MTMR2: variants seen among roughly 807,000 people sequenced by gnomAD.
MTMR2 encodes the protein phosphatidylinositol-3,5-bisphosphate 3-phosphatase MTMR2.
In MTMR2, 55 loss-of-function variants were observed where a neutral mutation model predicts 86.9. That is an observed-to-expected ratio of 0.63 (90% CI 0.51 to 0.79). The LOEUF (loss-of-function observed/expected upper bound fraction) is 0.79, where lower values mean the gene tolerates loss of function less well. MTMR2 is among the 30% of genes least tolerant of loss of function. The pLI is 0.00. For missense variants in MTMR2, 659 were observed against 772.3 expected (o/e 0.85, Z 1.74); for synonymous variants, 241 against 266.8 (o/e 0.90, Z 0.94).
rs1030013676 is a variant in MTMR2 at position 95,833,669 on chromosome 11, A to T, written c.*1621T>A. ...CTCTTCAGCCATTCTACATTCTTTT[A>T]TGTGGTATCAGGCCAAGATAACCAA... On this transcript the variant is annotated 3_prime_UTR_variant, in exon 15 of 15. Coordinates refer to ENST00000346299, the MANE Select transcript of MTMR2 (RefSeq NM_016156.6). The T allele has an allele frequency of 6.6e-6, 1 of 152,130 alleles. No homozygotes were observed. Among genetic ancestry groups the T allele is most frequent in the Admixed American group, 6.6e-5 (1 of 15,254 alleles). 9.4% of individuals were successfully genotyped at this position (152,130 alleles called of 1,614,324 possible).
intron 2 of MTMR2, among the ~76,000 whole-genome samples, chr11:95,883,292 A>C (rs577281568): frequency 5.4e-4 from 82 of 152,312 alleles, no homozygotes; most frequent in Non-Finnish European, 8.8e-5. Flanking sequence ...GTGAGCAAAT[A>C]AATAATCAGA....
intron 2 of MTMR2, among the ~76,000 whole-genome samples, chr11:95,867,393 G>A (rs532112804): frequency 6.6e-6 from 1 of 152,138 alleles, no homozygotes; most frequent in African/African-American, 2.4e-5. Context: ...AGAGAAGAGG[G>A]TAGTTCTGGC....
intron 2 of MTMR2, among the ~76,000 whole-genome samples, chr11:95,869,384 G>A (rs1864764633): frequency 6.6e-6 from 1 of 152,116 alleles, no homozygotes; most frequent in South Asian, 2.1e-4. Context: ...ATCAACAGAA[G>A]TTTTCACCGC....
chr11:95,871,391 C>T (rs917275882), intron 2 of MTMR2, among the ~76,000 whole-genome samples: 1 of 152,190 alleles, frequency 6.6e-6, no homozygotes, highest in Admixed American at 6.5e-5. Context: ...CACATCCTCT[C>T]CAGCACCTGT....
At position 95,849,331 on chromosome 11, in the gene MTMR2, A is replaced by C. The variant is rs373844346; in HGVS notation, c.993+343T>G. Among the ~76,000 whole-genome samples the C allele has an allele frequency of 3.9e-5, 6 of 152,192 alleles. No individual in the cohort carries two copies. In the East Asian group the frequency reaches 9.7e-4, roughly 25 times the overall value. ...TATACAGGGACTTCAGTGAGTCATA[A>C]GCTCAGTTAGTTGTCAACTTTGGAG... On this transcript the variant is annotated intron_variant, in intron 9 of 14. Transcript: ENST00000346299.
chr11:95,849,800 A>C lies in MTMR2; in HGVS notation c.867T>G (p.Val289=), dbSNP rs1438001944. Residue 289 remains valine, a synonymous_variant, in exon 9 of 15, where the codon GTT becomes GTG. Transcript: ENST00000346299. ...ATITRCSQPM[V]GVSGKRSKED... ...CTTTGCTTCGCTTTCCACTCACTCC[A>C]ACCATGGGCTGGCTACACCGAGTGA... The C allele has an allele frequency of 6.2e-7, 1 of 1,614,190 alleles. No individual in the cohort carries two copies. The highest frequency in any genetic ancestry group is 1.7e-5 in the Admixed American group (1 of 60,028).
chr11:95,898,194 C>T (rs1490128845), intron 1 of MTMR2, among the ~76,000 whole-genome samples: 1 of 151,206 alleles, frequency 6.6e-6, no homozygotes, highest in Non-Finnish European at 1.5e-5. Flanking sequence ...TGGAATCTAG[C>T]TTCTGCCACT....
intron 1 of MTMR2, among the ~76,000 whole-genome samples, chr11:95,891,677 G>A (rs1865719407): frequency 6.6e-6 from 1 of 152,116 alleles, no homozygotes; most frequent in Non-Finnish European, 1.5e-5. Context: ...GATCCACAGT[G>A]TTATAGTTTA....
chr11:95,850,724 A>G lies in MTMR2; in HGVS notation c.680T>C (p.Ile227Thr). The G allele has an allele frequency of 1.2e-6, 2 of 1,613,920 alleles. No homozygotes were observed. Among genetic ancestry groups the G allele is most frequent in the Non-Finnish European group, 8.5e-7 (1 of 1,179,876 alleles). Residue 227 changes from isoleucine (I) to threonine (T), a missense_variant, in exon 8 of 15, where the codon ATA (isoleucine) becomes ACA (threonine). Physicochemically the swap from Ile to Thr is moderately conservative, Grantham distance 89. Coordinates refer to ENST00000346299, the MANE Select transcript of MTMR2 (RefSeq NM_016156.6). ...TTCATATCGTTCATTTATCTTTGTT[A>G]TTCTCCAGCTTTCATTTGGAATTCC... Reference protein sequence around the residue: ...RQGIPNESWRITKINERYELC... With the variant: ...RQGIPNESWRTTKINERYELC...
chr11:95,847,946 T>G (rs1863864856), intron 9 of MTMR2, 47 bp from the exon 10 acceptor site: 2 of 1,509,878 alleles, frequency 1.3e-6, no homozygotes, highest in African/African-American at 1.4e-5. Flanking sequence ...AATGCACATC[T>G]GTAAACAAGT....
chr11:95,857,219 A>T (rs1343805813), intron 7 of MTMR2, among the ~76,000 whole-genome samples: 1 of 152,172 alleles, frequency 6.6e-6, no homozygotes, highest in African/African-American at 2.4e-5. Context: ...ACTCTAGATA[A>T]CAAATCTAAT....
intron 2 of MTMR2, among the ~76,000 whole-genome samples, chr11:95,868,142 G>A (rs1201158936): frequency 2.0e-5 from 3 of 151,438 alleles, no homozygotes; most frequent in African/African-American, 4.9e-5. Flanking sequence ...ATGGCATCAC[G>A]GGTCTACAGT....
rs546814470 is a variant in MTMR2, at chr11:95,880,769, T to C, written c.186+7387A>G. Among the ~76,000 whole-genome samples the C allele has an allele frequency of 2.0e-5, 3 of 152,208 alleles. No homozygotes were observed. The South Asian group carries it at 6.2e-4, about 32-fold the overall frequency. ...TCTTGTTCATAGACTTTCTCAACTTTCTGTTGGGTTGCATTTTCTCTTATT... is the reference window on the plus strand; with the variant it reads ...TCTTGTTCATAGACTTTCTCAACTTCCTGTTGGGTTGCATTTTCTCTTATT... On this transcript the variant is annotated intron_variant, in intron 2 of 14. Coordinates refer to ENST00000346299, the MANE Select transcript of MTMR2 (RefSeq NM_016156.6).
At chr11:95,908,829 TAAAG>T (rs1235292964) in intron 1 of MTMR2, among the ~76,000 whole-genome samples, 15 of 152,084 alleles carry the variant, frequency 9.9e-5, no homozygotes, top group Non-Finnish European at 2.9e-5. Context: ...GAAGTGGTGA[TAAAG>T]AAAATATTTT....
intron 1 of MTMR2, among the ~76,000 whole-genome samples, chr11:95,895,265 G>A (rs1322236736): frequency 6.6e-6 from 1 of 151,990 alleles, no homozygotes; most frequent in African/African-American, 2.4e-5. Context: ...AGGTCAGATG[G>A]CCAAATATCA....
chr11:95,859,791 G>C (rs1412535166), intron 5 of MTMR2, among the ~76,000 whole-genome samples: 1 of 152,114 alleles, frequency 6.6e-6, no homozygotes, highest in Non-Finnish European at 1.5e-5. Context: ...CACACACAAA[G>C]CCTCTCCACT....
At chr11:95,885,383 C>T (rs1208466457) in intron 2 of MTMR2, among the ~76,000 whole-genome samples, 1 of 151,998 alleles carries the variant, frequency 6.6e-6, no homozygotes, top group African/African-American at 2.4e-5. Flanking sequence ...ACCAGGGCTC[C>T]TATGAAAACT....
intron 3 of MTMR2, among the ~76,000 whole-genome samples, chr11:95,863,444 G>A (rs1380089240): frequency 1.3e-5 from 2 of 152,142 alleles, no homozygotes; most frequent in Admixed American, 6.5e-5. Context: ...AACATTTTAA[G>A]TATAAACTAC....
rs1166610833 is a variant in MTMR2 at position 95,833,109 on chromosome 11, TTA to T, written c.*2179_*2180del. 1 of 152,030 alleles carries T rather than the reference TTA, an allele frequency of 6.6e-6. No individual in the cohort carries two copies. Among genetic ancestry groups the T allele is most frequent in the East Asian group, 1.9e-4 (1 of 5,182 alleles). 9.4% of individuals were successfully genotyped at this position (152,030 alleles called of 1,614,324 possible). ...ATGCCTAAACTCTAGAAAATAGGAATTAGTCACAAGGGAGAACAGTTGTTCCA... is the reference window on the plus strand; with the variant it reads ...ATGCCTAAACTCTAGAAAATAGGAATGTCACAAGGGAGAACAGTTGTTCCA... On this transcript the variant is annotated 3_prime_UTR_variant, in exon 15 of 15. Transcript: ENST00000346299.
Sources: allele counts gnomAD v4.1 joint callset (sites outside exome capture counted in the v4.1 genomes callset), GRCh38; gene constraint gnomAD v4.1.1; transcripts MANE v1.5; gene names NCBI Gene and HGNC (gene_info 2026-07-23, HGNC 2026-07-21).